Variants in SERPINB11 observed in about 807,000 individuals in gnomAD.
SERPINB11 encodes the protein serpin B11.
In SERPINB11, 32 loss-of-function variants were observed where a neutral mutation model predicts 36.7. The observed-to-expected ratio is 0.87, with a 90% CI of 0.66 to 1.17. The LOEUF is 1.17. Ranked by LOEUF, SERPINB11 falls within the 50% of genes most tolerant of loss-of-function variation. SERPINB11 has a pLI of 0.00. For synonymous variants in SERPINB11, 174 were observed against 168.1 expected, an observed-to-expected ratio of 1.04 and a Z score of -0.27; for missense variants, 528 against 458.4, an observed-to-expected ratio of 1.15 and a Z score of -1.39.
intron 4 of SERPINB11, 56 bp downstream of exon 4, chr18:63,712,749 A>T (rs1286427223): frequency 6.4e-7 from 1 of 1,572,792 alleles, no homozygotes; most frequent in African/African-American, 1.4e-5. Context: ...TGAATTTCAT[A>T]CCCCAAAATT....
Position 63,723,144 on chromosome 18 carries a change from T to A in SERPINB11, c.924T>A (p.Asp308Glu), listed in dbSNP as rs755807336. Reference protein sequence around the residue: ...NSLLKSLGVTDLFNQVKADLS... With the variant: ...NSLLKSLGVTELFNQVKADLS... ...TGTTAAAATCTCTAGGGGTGACAGATCTCTTCAACCAGGTCAAAGCTGATC... is the reference window on the plus strand; with the variant it reads ...TGTTAAAATCTCTAGGGGTGACAGAACTCTTCAACCAGGTCAAAGCTGATC... Residue 308 changes from aspartate to glutamate, a missense_variant, in exon 8 of 8, where the codon GAT becomes GAA. Asp to Glu is a conservative substitution (Grantham distance 45). Transcript: ENST00000544088. 5 of 1,611,236 alleles carry A rather than the reference T, an allele frequency of 3.1e-6. No individual in the cohort carries two copies. In the African/African-American group the frequency reaches 6.7e-5, roughly 22 times the overall value.
At chr18:63,703,342 C>T (rs1399897270) in intron 1 of SERPINB11, among the ~76,000 whole-genome samples, 1 of 152,196 alleles carries the variant, frequency 6.6e-6, no homozygotes, top group Admixed American at 6.5e-5. Flanking sequence ...TGTGTATTGA[C>T]ACACTTCTTA....
At chr18:63,718,074 C>A (rs1296077991) in intron 5 of SERPINB11, among the ~76,000 whole-genome samples, 1 of 151,958 alleles carries the variant, frequency 6.6e-6, no homozygotes, top group Non-Finnish European at 1.5e-5. Context: ...CATTATTGCA[C>A]TGCAATGTAA....
chr18:63,722,496 G>C (rs1275286118), intron 7 of SERPINB11, among the ~76,000 whole-genome samples: 1 of 152,210 alleles, frequency 6.6e-6, no homozygotes, highest in Non-Finnish European at 1.5e-5. Flanking sequence ...AGGTGGCCCA[G>C]AGTTCAGCTT....
At chr18:63,721,035 A>AAC (rs147551453) in intron 7 of SERPINB11, 49 bp downstream of exon 7, 121 of 1,392,978 alleles carry the variant, frequency 8.7e-5, no homozygotes, top group South Asian at 5.4e-4. Context: ...TGTGCATGTT[A>AAC]ACACACACAC....
At chr18:63,720,255 C>T in intron 6 of SERPINB11, 100 bp downstream of exon 6, 1 of 1,060,514 alleles carries the variant, frequency 9.4e-7, no homozygotes, top group East Asian at 2.7e-5. Flanking sequence ...AAATATTGGT[C>T]TAGGTTTCTG....
intron 7 of SERPINB11, 104 bp from the exon 8 acceptor site, chr18:63,722,891 G>C: frequency 8.5e-7 from 1 of 1,176,190 alleles, no homozygotes; most frequent in East Asian, 2.6e-5. Context: ...TAGAAAAAGT[G>C]ATGAAGTTGA....
chr18:63,722,801 G>T (rs957321398), intron 7 of SERPINB11, among the ~76,000 whole-genome samples, 194 bp from the exon 8 acceptor site: 1 of 152,162 alleles, frequency 6.6e-6, no homozygotes, highest in African/African-American at 2.4e-5. Context: ...ATGAAATTTA[G>T]ATGAGAAACA....
In SERPINB11 at chr18:63,723,159, C is replaced by A. The variant is rs747463898; in HGVS notation, c.939C>A (p.Val313=). 1.2e-6 allele frequency: 2 copies of A among 1,612,020 alleles called. No individual in the cohort carries two copies. Among genetic ancestry groups the A allele is most frequent in the Admixed American group, 3.4e-5 (2 of 59,648 alleles). ...GGGTGACAGATCTCTTCAACCAGGT[C>A]AAAGCTGATCTTTCTGGAATGTCAC... ...SLGVTDLFNQ[V]KADLSGMSPT... Residue 313 remains valine, a synonymous_variant, in exon 8 of 8, where the codon GTC becomes GTA. Coordinates refer to ENST00000544088, the MANE Select transcript of SERPINB11 (RefSeq NM_001370475.1).
rs777713664 is a variant in SERPINB11, at chr18:63,711,403, A to C, written c.228+9A>C. The C allele has an allele frequency of 1.9e-6, 3 of 1,580,632 alleles. No homozygotes were observed. The highest frequency in any genetic ancestry group is 2.6e-6 in the Non-Finnish European group (3 of 1,150,488). ...TCAAGGACTCACCTAAGGTATGATAATATTACTGAGTTGTCAAATGCTCTT... is the reference window on the plus strand; with the variant it reads ...TCAAGGACTCACCTAAGGTATGATACTATTACTGAGTTGTCAAATGCTCTT... On this transcript the variant is annotated intron_variant, in intron 3 of 7. Transcript: ENST00000544088.
upstream of SERPINB11, chr18:63,702,710 T>A (rs1914269886): frequency 6.6e-6 from 1 of 152,244 alleles, no homozygotes; most frequent in Admixed American, 6.5e-5. Flanking sequence ...AGGGTCTCAC[T>A]ATGTTGCCCA....
intron 1 of SERPINB11, among the ~76,000 whole-genome samples, chr18:63,707,148 C>T (rs1267362802): frequency 6.6e-6 from 1 of 152,132 alleles, no homozygotes; most frequent in Non-Finnish European, 1.5e-5. Flanking sequence ...AAGGGTGAAG[C>T]CTCCTCTGAA....
intron 1 of SERPINB11, among the ~76,000 whole-genome samples, chr18:63,704,927 C>T (rs887489591): frequency 6.6e-6 from 1 of 152,112 alleles, no homozygotes. Flanking sequence ...TGGGCATCTG[C>T]CATCGGCAAA....
chr18:63,709,472 G>A (rs1484361260), intron 1 of SERPINB11, among the ~76,000 whole-genome samples: 6 of 151,990 alleles, frequency 3.9e-5, no homozygotes, highest in Admixed American at 6.6e-5. Context: ...TTAGCCGGGC[G>A]TGGTGGCAGG....
chr18:63,722,504 C>G (rs558603118), intron 7 of SERPINB11, among the ~76,000 whole-genome samples: 224 of 152,256 alleles, frequency 1.5e-3, no homozygotes, highest in African/African-American at 5.2e-3. Context: ...CAGAGTTCAG[C>G]TTCAGGAGCA....
intron 1 of SERPINB11, among the ~76,000 whole-genome samples, chr18:63,704,772 A>G (rs1173697217): frequency 6.6e-6 from 1 of 152,228 alleles, no homozygotes; most frequent in African/African-American, 2.4e-5. Context: ...ATTCTGAATA[A>G]TACACATATA....
Position 63,712,184 on chromosome 18 carries a change from A to T in SERPINB11, c.229-381A>T, listed in dbSNP as rs372053582. Among the ~76,000 whole-genome samples, 23 of 152,188 alleles carry T rather than the reference A, an allele frequency of 1.5e-4. No individual in the cohort carries two copies. The South Asian group carries it at 4.8e-3, about 32-fold the overall frequency. On this transcript the variant is annotated intron_variant, in intron 3 of 7. Transcript: ENST00000544088. ...TTAAATGACCACATGAAAAATGGAGATGTAGAAAAAAGTGTGAAAGAAAAG... is the reference window on the plus strand; with the variant it reads ...TTAAATGACCACATGAAAAATGGAGTTGTAGAAAAAAGTGTGAAAGAAAAG...
At chr18:63,722,897 G>T in intron 7 of SERPINB11, 98 bp from the exon 8 acceptor site, 1 of 1,264,572 alleles carries the variant, frequency 7.9e-7, no homozygotes. Flanking sequence ...AAGTGATGAA[G>T]TTGAACCACT....
intron 6 of SERPINB11, 52 bp from the exon 7 acceptor site, chr18:63,720,779 C>T (rs1914788982): frequency 6.0e-6 from 8 of 1,329,758 alleles, no homozygotes; most frequent in South Asian, 1.3e-5. Context: ...TCAGTACACA[C>T]ACATGTGCAC....
Sources: allele counts gnomAD v4.1 joint callset (sites outside exome capture counted in the v4.1 genomes callset), GRCh38; gene constraint gnomAD v4.1.1; transcripts MANE v1.5; gene names NCBI Gene and HGNC (gene_info 2026-07-23, HGNC 2026-07-21).